Variants in TSC22D1 observed in about 807,000 individuals in gnomAD.
TSC22D1 encodes TSC22 domain family member 1, also known as TSC22 domain family protein 1.
TSC22D1 carries 9 observed loss-of-function variants against 74.2 expected under a neutral mutation model. That is an observed-to-expected ratio of 0.12 (90% CI 0.07 to 0.21). TSC22D1 has a LOEUF of 0.21. Among genes scored for constraint, TSC22D1 ranks in the 10% least tolerant of loss-of-function variants. TSC22D1 has a pLI of 1.00. For missense variants in TSC22D1, 1,427 were observed against 1,304.7 expected, an observed-to-expected ratio of 1.09 and a Z score of -1.44; for synonymous variants, 586 against 492.5, an observed-to-expected ratio of 1.19 and a Z score of -2.51.
At chr13:44,502,822 C>G (rs1879275371) in intron 1 of TSC22D1, among the ~76,000 whole-genome samples, 1 of 152,184 alleles carries the variant, frequency 6.6e-6, no homozygotes, top group Non-Finnish European at 1.5e-5. Flanking sequence ...ATCAACTTAG[C>G]TCTTCCTCCA....
Position 44,573,549 on chromosome 13 carries a change from A to G in TSC22D1, c.2526T>C (p.Ser842=). ...VTSQVSSTGP[S]GMPSAPTNLV... ...AGTTTGTTGGGGCAGAAGGCATTCC[A>G]GAAGGACCAGTTGAACTAACCTGAC... Residue 842 remains serine (S), a synonymous_variant, in exon 1 of 3, where the codon TCT becomes TCC. Coordinates refer to ENST00000458659, the MANE Select transcript of TSC22D1 (RefSeq NM_183422.4). The G allele has an allele frequency of 1.2e-6, 2 of 1,614,254 alleles. No individual in the cohort carries two copies. Among genetic ancestry groups the G allele is most frequent in the Middle Eastern group, 1.6e-4 (1 of 6,062 alleles).
At chr13:44,517,857 A>ATTTTTTT (rs71070912) in intron 1 of TSC22D1, among the ~76,000 whole-genome samples, 192 of 16,176 alleles carry the variant, frequency 0.012, 52 homozygotes, top group Non-Finnish European at 0.02. Context: ...ATATATATAT[A>ATTTTTTT]TTTTTTTTTT....
At chr13:44,446,838 G>GGAA (rs368465886) in intron 1 of TSC22D1, among the ~76,000 whole-genome samples, 14 of 130,418 alleles carry the variant, frequency 1.1e-4, no homozygotes, top group African/African-American at 3.7e-4. Context: ...AAGAGGAGGA[G>GGAA]GAAGAAGAAG....
rs189341057 is a variant in TSC22D1 at position 44,568,482 on chromosome 13, G to A, written c.2912+4681C>T. Among the ~76,000 whole-genome samples, 226 of 152,094 alleles carry A rather than the reference G, an allele frequency of 1.5e-3. 1 individual carries two copies. The highest frequency in any genetic ancestry group is 0.014 in the Middle Eastern group (4 of 294). Reference sequence around the variant, plus strand: ...AAAGTTAACAGTCAACAAGCCACACGGAAAAAGAATTTTTAAAAATAATTA... The same window carrying A: ...AAAGTTAACAGTCAACAAGCCACACAGAAAAAGAATTTTTAAAAATAATTA... On this transcript the variant is annotated intron_variant, in intron 1 of 2. Transcript: ENST00000458659.
At chr13:44,564,827 G>A (rs766838789) in intron 1 of TSC22D1, among the ~76,000 whole-genome samples, 4 of 152,018 alleles carry the variant, frequency 2.6e-5, no homozygotes, top group Non-Finnish European at 5.9e-5. Context: ...AATGAGAGCT[G>A]ATGTTATGTT....
intron 1 of TSC22D1, chr13:44,474,147 AC>A: frequency 1.1e-5 from 8 of 740,626 alleles, no homozygotes; most frequent in Non-Finnish European, 1.3e-5. Context: ...TTTTCAAGGT[AC>A]TAGGCAGGAC....
At chr13:44,488,502 T>G (rs1466807228) in intron 1 of TSC22D1, among the ~76,000 whole-genome samples, 2 of 152,200 alleles carry the variant, frequency 1.3e-5, no homozygotes, top group South Asian at 2.1e-4. Flanking sequence ...AGGCTAACGT[T>G]GCATTTCCAT....
intron 1 of TSC22D1, among the ~76,000 whole-genome samples, chr13:44,452,415 T>TA (rs1473486680): frequency 2.6e-5 from 4 of 152,162 alleles, no homozygotes; most frequent in African/African-American, 9.7e-5. Flanking sequence ...CCCACCTGCC[T>TA]AATGTGTGGA....
At position 44,573,317 on chromosome 13, in the gene TSC22D1, AGGGCTCCGC is replaced by A. The variant is rs770498621; in HGVS notation, c.2749_2757del (p.Ala917_Pro919del). 1 of 1,614,248 alleles carries A rather than the reference AGGGCTCCGC, an allele frequency of 6.2e-7. No homozygotes were observed. The highest frequency in any genetic ancestry group is 1.3e-5 in the African/African-American group (1 of 75,074). ...ATAGTCTGAGGTAAGCCAACTAAGG[AGGGCTCCGC>A]TGCACGCCTGGCATCTTCAATTTGG... On this transcript the variant is annotated inframe_deletion, in exon 1 of 3. Transcript: ENST00000458659.
intron 1 of TSC22D1, among the ~76,000 whole-genome samples, chr13:44,440,057 T>G (rs978313672): frequency 6.6e-6 from 1 of 152,232 alleles, no homozygotes; most frequent in Non-Finnish European, 1.5e-5. Context: ...TTTTCTAGTT[T>G]ACTCTCACTA....
At chr13:44,544,181 G>A (rs1881664137) in intron 1 of TSC22D1, among the ~76,000 whole-genome samples, 1 of 152,078 alleles carries the variant, frequency 6.6e-6, no homozygotes, top group African/African-American at 2.4e-5. Flanking sequence ...AGTATAGTTA[G>A]CAGAAATTTC....
At chr13:44,480,241 ACATT>A (rs1016579143) in intron 1 of TSC22D1, among the ~76,000 whole-genome samples, 3 of 152,352 alleles carry the variant, frequency 2.0e-5, no homozygotes, top group South Asian at 2.1e-4. Flanking sequence ...CATGAATTTA[ACATT>A]CATTAACATT....
intron 1 of TSC22D1, chr13:44,539,950 T>G: frequency 7.8e-7 from 1 of 1,282,432 alleles, no homozygotes; most frequent in Non-Finnish European, 1.0e-6. Context: ...AATATAGATT[T>G]AAGGAAAAAT....
chr13:44,529,770 C>T (rs1364200191), intron 1 of TSC22D1, among the ~76,000 whole-genome samples: 3 of 152,018 alleles, frequency 2.0e-5, no homozygotes, highest in African/African-American at 7.2e-5. Context: ...AATTGCTTTC[C>T]CATACACCAG....
chr13:44,490,315 G>A (rs991864995), intron 1 of TSC22D1, among the ~76,000 whole-genome samples: 3 of 151,020 alleles, frequency 2.0e-5, no homozygotes, highest in Non-Finnish European at 2.9e-5. Context: ...GGTATCGCTA[G>A]GGAGAAGAAT....
chr13:44,467,974 A>G (rs1424446434), intron 1 of TSC22D1, among the ~76,000 whole-genome samples: 1 of 151,920 alleles, frequency 6.6e-6, no homozygotes, highest in Non-Finnish European at 1.5e-5. Flanking sequence ...CAATTGCAAA[A>G]ATATGGGATC....
chr13:44,464,722 C>G (rs769402092), intron 1 of TSC22D1, among the ~76,000 whole-genome samples: 18 of 152,230 alleles, frequency 1.2e-4, no homozygotes, highest in Non-Finnish European at 2.6e-4. Flanking sequence ...CAGGAAGAAT[C>G]TTTTCATTTG....
intron 1 of TSC22D1, among the ~76,000 whole-genome samples, chr13:44,572,176 G>A (rs1883814676): frequency 1.3e-5 from 2 of 151,952 alleles, no homozygotes; most frequent in Non-Finnish European, 1.5e-5. Flanking sequence ...GTAACAGACT[G>A]GAAAATTTGT....
In TSC22D1 at chr13:44,432,689, A is replaced by C. The variant is rs1049280116; in HGVS notation, c.*1937T>G. 6.6e-6 allele frequency: 1 copy of C among 151,500 alleles called. No homozygotes were observed. Among genetic ancestry groups the C allele is most frequent in the Non-Finnish European group, 1.5e-5 (1 of 67,904 alleles). The allele number at this position is 151,500 out of a possible 1,614,324, so 9.4% of individuals were successfully genotyped here. ...AGATGAGAGAAATGAATGATTCAGA[A>C]AGTTTGTCCTTGTTCTGCAAGGACT... On this transcript the variant is annotated 3_prime_UTR_variant, in exon 3 of 3. Coordinates refer to ENST00000458659, the MANE Select transcript of TSC22D1 (RefSeq NM_183422.4).
Sources: allele counts gnomAD v4.1 joint callset (sites outside exome capture counted in the v4.1 genomes callset), GRCh38; gene constraint gnomAD v4.1.1; transcripts MANE v1.5; gene names NCBI Gene and HGNC (gene_info 2026-07-23, HGNC 2026-07-21).